The following UGT1A10 variants were observed in gnomAD, a reference collection of about 807,000 sequenced individuals.
The protein encoded by UGT1A10 is UDP glucuronosyltransferase family 1 member A10, also known as UDP-glucuronosyltransferase 1A10.
UGT1A10 carries 49 observed loss-of-function variants against 45.8 expected under a neutral mutation model. That is an observed-to-expected ratio of 1.07 (90% CI 0.85 to 1.36). The LOEUF (loss-of-function observed/expected upper bound fraction) is 1.36. UGT1A10 is among the 40% of genes most tolerant of loss of function. UGT1A10 has a pLI of 0.00. For synonymous variants in UGT1A10, 284 were observed against 249.7 expected, an observed-to-expected ratio of 1.14 and a Z score of -1.29; for missense variants, 745 against 668.6, an observed-to-expected ratio of 1.11 and a Z score of -1.26.
At chr2:233,753,869 G>A (rs1051497204) in intron 1 of UGT1A10, among the ~76,000 whole-genome samples, 1 of 152,142 alleles carries the variant, frequency 6.6e-6, no homozygotes, top group African/African-American at 2.4e-5. Context: ...TAACCCCAAG[G>A]TCTGTCCTCA....
chr2:233,668,192 C>G (rs1021618844), intron 1 of UGT1A10, among the ~76,000 whole-genome samples: 33 of 152,098 alleles, frequency 2.2e-4, no homozygotes, highest in African/African-American at 8.0e-4. Context: ...TTTCCTAATG[C>G]TATCCCTCCC....
At chr2:233,669,372 T>A (rs116496121) in intron 1 of UGT1A10, among the ~76,000 whole-genome samples, 1,584 of 152,276 alleles carry the variant, frequency 0.01, 41 homozygotes, top group African/African-American at 0.036. Context: ...GGAATTTAGA[T>A]TGGGGTTGTA....
At chr2:233,719,651 G>A (rs776482882) in intron 1 of UGT1A10, 1 of 1,614,068 alleles carries the variant, frequency 6.2e-7, no homozygotes, top group Non-Finnish European at 8.5e-7. Flanking sequence ...TCTTCATTGG[G>A]GGCATCAACT....
At position 233,772,561 on chromosome 2, in the gene UGT1A10, A is replaced by C. The variant is rs1287050195; in HGVS notation, c.*2A>C. On this transcript the variant is annotated 3_prime_UTR_variant, in exon 5 of 5. Transcript: ENST00000344644. ...GCCCACAAATCCAAGACCCATTGAG[A>C]AGTGGGTGGGAAATAAGGTAAAATT... The C allele has an allele frequency of 1.2e-6, 2 of 1,613,586 alleles. No individual in the cohort carries two copies. Among genetic ancestry groups the C allele is most frequent in the Non-Finnish European group, 1.7e-6 (2 of 1,179,766 alleles).
chr2:233,755,145 G>C, intron 1 of UGT1A10: 1 of 1,302,778 alleles, frequency 7.7e-7, no homozygotes, highest in Non-Finnish European at 1.0e-6. Context: ...TCTTCTCACC[G>C]CTTCCTCCCT....
chr2:233,757,562 G>GTATATA (rs1491042837), intron 1 of UGT1A10, among the ~76,000 whole-genome samples: 1 of 90,870 alleles, frequency 1.1e-5, no homozygotes, highest in African/African-American at 5.1e-5. Flanking sequence ...ATATATATAT[G>GTATATA]TATATATGAT....
chr2:233,719,768 T>C, intron 1 of UGT1A10: 1 of 1,611,854 alleles, frequency 6.2e-7, no homozygotes. Flanking sequence ...AGTGCTTCCA[T>C]ATCTACTTAT....
At position 233,747,671 on chromosome 2, in the gene UGT1A10, A is replaced by C. The variant is rs1693745926; in HGVS notation, c.856-19363A>C. On this transcript the variant is annotated intron_variant, in intron 1 of 4. Coordinates refer to ENST00000344644, the MANE Select transcript of UGT1A10 (RefSeq NM_019075.4). ...CCTTCGATGTGGTTTTAATAGACCCAATTTACCTCTGTGGGGCAGTGCTGG... is the reference window on the plus strand; with the variant it reads ...CCTTCGATGTGGTTTTAATAGACCCCATTTACCTCTGTGGGGCAGTGCTGG... 13 of 1,604,740 alleles carry C rather than the reference A, an allele frequency of 8.1e-6. No homozygotes were observed. In the South Asian group the frequency reaches 1.4e-4, roughly 18 times the overall value.
chr2:233,743,918 C>T, intron 1 of UGT1A10: 1 of 1,363,786 alleles, frequency 7.3e-7, no homozygotes, highest in East Asian at 4.6e-5. Context: ...GTCCACCATG[C>T]TGGATGGCCA....
At chr2:233,651,973 C>T (rs1181626745) in intron 1 of UGT1A10, among the ~76,000 whole-genome samples, 2 of 151,934 alleles carry the variant, frequency 1.3e-5, no homozygotes, top group African/African-American at 4.8e-5. Context: ...TTCAAGAGAA[C>T]ATCAAGATAG....
chr2:233,725,819 A>G (rs2077477278), intron 1 of UGT1A10, among the ~76,000 whole-genome samples: 1 of 152,214 alleles, frequency 6.6e-6, no homozygotes, highest in South Asian at 2.1e-4. Context: ...TTTATTGGAT[A>G]CCAGTATTGC....
chr2:233,746,871 T>C (rs1693501074), intron 1 of UGT1A10, among the ~76,000 whole-genome samples: 1 of 151,612 alleles, frequency 6.6e-6, no homozygotes, highest in Admixed American at 6.5e-5. Flanking sequence ...CTGATAAACG[T>C]GGTTAACAGA....
chr2:233,737,914 TA>T (rs1690631696), intron 1 of UGT1A10, among the ~76,000 whole-genome samples: 4 of 152,128 alleles, frequency 2.6e-5, no homozygotes, highest in African/African-American at 4.8e-5. Flanking sequence ...AAGAACAGGC[TA>T]GTGTATTTAG....
chr2:233,712,400 T>C (rs967947733), intron 1 of UGT1A10, among the ~76,000 whole-genome samples: 4 of 151,972 alleles, frequency 2.6e-5, no homozygotes, highest in Non-Finnish European at 5.9e-5. Context: ...TCAGAGAGAG[T>C]CCTCTTTGAG....
In UGT1A10 at chr2:233,749,353, T is replaced by G. The variant is rs1479557854; in HGVS notation, c.856-17681T>G. On this transcript the variant is annotated intron_variant, in intron 1 of 4. Transcript: ENST00000344644. The stretch of plus-strand genomic sequence containing the variant: ...GTTGAAAAGTGGGATGGAATTTAAA[T>G]AGTGACTCTTGCCCTTTTCTTCCAG... 5.9e-5 allele frequency among the ~76,000 whole-genome samples: 9 copies of G among 151,918 alleles called. 1 individual carries two copies. The East Asian group carries it at 1.7e-3, about 29-fold the overall frequency.
intron 1 of UGT1A10, among the ~76,000 whole-genome samples, chr2:233,638,227 C>G (rs559006564): frequency 4.6e-5 from 7 of 152,230 alleles, no homozygotes; most frequent in Non-Finnish European, 1.0e-4. Context: ...AAAATTTTCA[C>G]TATATAAGCA....
intron 1 of UGT1A10, among the ~76,000 whole-genome samples, chr2:233,646,941 G>T (rs1378989051): frequency 6.6e-6 from 1 of 152,176 alleles, no homozygotes; most frequent in African/African-American, 2.4e-5. Context: ...ATAAAGACAT[G>T]CCTGAGACTA....
intron 1 of UGT1A10, among the ~76,000 whole-genome samples, chr2:233,650,499 C>G (rs1474503124): frequency 6.6e-6 from 1 of 152,160 alleles, no homozygotes. Context: ...GAATTGTTTC[C>G]TTGCAAATTG....
At chr2:233,734,933 A>T (rs1236153651) in intron 1 of UGT1A10, among the ~76,000 whole-genome samples, 3 of 152,196 alleles carry the variant, frequency 2.0e-5, no homozygotes, top group Non-Finnish European at 4.4e-5. Context: ...TTTACTTACA[A>T]TCATATGGTC....
Sources: allele counts gnomAD v4.1 joint callset (sites outside exome capture counted in the v4.1 genomes callset), GRCh38; gene constraint gnomAD v4.1.1; transcripts MANE v1.5; gene names NCBI Gene and HGNC (gene_info 2026-07-23, HGNC 2026-07-21).